CNTN5: variants seen among roughly 807,000 people sequenced by gnomAD.
The protein encoded by CNTN5 is contactin-5.
Under a neutral mutation model 129.1 loss-of-function variants are expected in CNTN5, and 77 were observed. The observed-to-expected ratio is 0.60, with a 90% CI of 0.50 to 0.72. CNTN5 has a LOEUF of 0.72. CNTN5 is among the 30% of genes least tolerant of loss of function. CNTN5 has a pLI of 0.00. For missense variants in CNTN5, 1,478 were observed against 1,328.8 expected (o/e 1.11, Z -1.75); for synonymous variants, 509 against 465.6 (o/e 1.09, Z -1.20).
intron 3 of CNTN5, among the ~76,000 whole-genome samples, chr11:99,594,683 C>T (rs1384967630): frequency 6.6e-6 from 1 of 152,106 alleles, no homozygotes; most frequent in Non-Finnish European, 1.5e-5. Flanking sequence ...CAGGTTTGCC[C>T]AGCACAAAGC....
intron 3 of CNTN5, among the ~76,000 whole-genome samples, chr11:99,638,355 T>A (rs1180420221): frequency 6.6e-6 from 1 of 152,124 alleles, no homozygotes; most frequent in Non-Finnish European, 1.5e-5. Context: ...GAGATTTGAA[T>A]GGGGACACAG....
intron 15 of CNTN5, among the ~76,000 whole-genome samples, chr11:100,203,774 C>T (rs1482934142): frequency 1.5e-5 from 2 of 130,284 alleles, no homozygotes; most frequent in Admixed American, 1.6e-4. Flanking sequence ...CCTCCCCATC[C>T]CATCCAATTA....
chr11:99,586,778 T>G (rs1310352386), intron 3 of CNTN5, among the ~76,000 whole-genome samples: 2 of 152,156 alleles, frequency 1.3e-5, no homozygotes, highest in African/African-American at 4.8e-5. Flanking sequence ...TTGACTGACT[T>G]TATTTAAAGT....
At chr11:99,868,821 A>C (rs1312928773) in intron 6 of CNTN5, among the ~76,000 whole-genome samples, 2 of 152,332 alleles carry the variant, frequency 1.3e-5, no homozygotes, top group East Asian at 3.9e-4. Flanking sequence ...GAGTCTGCAC[A>C]TTCATCAGCA....
chr11:99,869,897 G>C (rs1337051138), intron 6 of CNTN5, among the ~76,000 whole-genome samples: 1 of 152,160 alleles, frequency 6.6e-6, no homozygotes, highest in East Asian at 1.9e-4. Flanking sequence ...TTTCCAGAAA[G>C]TTTTGAGCAG....
chr11:99,904,782 T>C (rs2135963533), intron 6 of CNTN5, among the ~76,000 whole-genome samples: 1 of 152,320 alleles, frequency 6.6e-6, no homozygotes, highest in African/African-American at 2.4e-5. Flanking sequence ...TTCCAATTTC[T>C]CCACATCCTC....
intron 3 of CNTN5, among the ~76,000 whole-genome samples, chr11:99,757,637 G>A (rs192482230): frequency 1.1e-4 from 16 of 151,988 alleles, no homozygotes; most frequent in South Asian, 4.2e-4. Context: ...AAATAAGGTC[G>A]TACTCTAAGG....
At chr11:99,884,810 C>G (rs1565637596) in intron 6 of CNTN5, among the ~76,000 whole-genome samples, 1 of 152,146 alleles carries the variant, frequency 6.6e-6, no homozygotes, top group Non-Finnish European at 1.5e-5. Flanking sequence ...AACCCCATCT[C>G]TACTAAAACT....
At chr11:99,814,072 C>A (rs904410449) in intron 3 of CNTN5, among the ~76,000 whole-genome samples, 4 of 152,008 alleles carry the variant, frequency 2.6e-5, no homozygotes, top group Non-Finnish European at 4.4e-5. Flanking sequence ...TGAGAACATT[C>A]TAACAAGCAT....
At chr11:100,161,692 G>T (rs1947451484) in intron 13 of CNTN5, among the ~76,000 whole-genome samples, 1 of 151,656 alleles carries the variant, frequency 6.6e-6, no homozygotes, top group Non-Finnish European at 1.5e-5. Context: ...AAAAAGCAAT[G>T]ATGTAAATAA....
At chr11:99,296,634 A>G (rs1489628771) in intron 1 of CNTN5, among the ~76,000 whole-genome samples, 1 of 152,170 alleles carries the variant, frequency 6.6e-6, no homozygotes, top group Admixed American at 6.5e-5. Context: ...TATGGAACCA[A>G]ACATTGGTTT....
intron 6 of CNTN5, among the ~76,000 whole-genome samples, chr11:99,913,191 T>C (rs549127335): frequency 3.9e-5 from 6 of 152,148 alleles, no homozygotes; most frequent in African/African-American, 1.4e-4. Context: ...CTCCTTTCTC[T>C]TCTTAGTGAG....
intron 2 of CNTN5, among the ~76,000 whole-genome samples, chr11:99,552,605 T>C (rs1039040475): frequency 1.3e-5 from 2 of 151,992 alleles, no homozygotes; most frequent in African/African-American, 4.8e-5. Flanking sequence ...TGGAAAAAAC[T>C]GATGTTGGAG....
intron 18 of CNTN5, among the ~76,000 whole-genome samples, chr11:100,283,556 G>A (rs1208092609): frequency 1.3e-5 from 2 of 152,130 alleles, no homozygotes; most frequent in South Asian, 2.1e-4. Flanking sequence ...TTTATTTAGG[G>A]CCCCAGAGCA....
chr11:99,211,263 A>T (rs1219340402), intron 1 of CNTN5, among the ~76,000 whole-genome samples: 3 of 152,100 alleles, frequency 2.0e-5, no homozygotes, highest in African/African-American at 7.2e-5. Flanking sequence ...GGTGAAACAT[A>T]TTCTTTGTAA....
chr11:99,154,271 C>A (rs1186696643), intron 1 of CNTN5, among the ~76,000 whole-genome samples: 1 of 152,172 alleles, frequency 6.6e-6, no homozygotes, highest in Non-Finnish European at 1.5e-5. Flanking sequence ...TCCATGCTTG[C>A]ACTTGCACCA....
intron 6 of CNTN5, among the ~76,000 whole-genome samples, chr11:99,886,935 T>C (rs1948916008): frequency 6.6e-6 from 1 of 152,080 alleles, no homozygotes; most frequent in Admixed American, 6.6e-5. Context: ...TCTCAAAATA[T>C]TAGGAGAGGG....
chr11:99,203,923 G>T (rs1301332966), intron 1 of CNTN5, among the ~76,000 whole-genome samples: 1 of 152,040 alleles, frequency 6.6e-6, no homozygotes, highest in East Asian at 1.9e-4. Flanking sequence ...TAAGGCAAGT[G>T]CCATTCCATC....
intron 13 of CNTN5, 43 bp from the exon 14 acceptor site, chr11:100,191,083 T>G (rs959689266): frequency 6.4e-6 from 9 of 1,397,666 alleles, no homozygotes; most frequent in Non-Finnish European, 8.8e-6. Context: ...TTTAGCTGAT[T>G]GCAGTAAAAC....
Sources: gnomAD v4.1 joint callset for allele counts (sites outside exome capture counted in the v4.1 genomes callset) on GRCh38, gnomAD v4.1.1 for gene constraint, MANE v1.5 for transcripts, NCBI Gene and HGNC (gene_info 2026-07-23, HGNC 2026-07-21) for gene names.